GSE1: variants seen among roughly 807,000 people sequenced by gnomAD.
GSE1 encodes the protein Gse1 coiled-coil protein, also known as genetic suppressor element 1.
Under a neutral mutation model 112.6 loss-of-function variants are expected in GSE1, and 32 were observed. The observed-to-expected ratio is 0.28, with a 90% confidence interval of 0.21 to 0.38. The LOEUF is 0.38. Ranked by LOEUF, GSE1 falls within the 10% of genes least tolerant of loss-of-function variation. The pLI is 1.00. For missense variants in GSE1, 2,348 were observed against 1,699.2 expected, an observed-to-expected ratio of 1.38 and a Z score of -6.71; for synonymous variants, 1,115 against 735.6, an observed-to-expected ratio of 1.52 and a Z score of -8.35.
chr16:85,625,969 G>T (rs2049041490), intron 1 of GSE1, among the ~76,000 whole-genome samples: 1 of 152,092 alleles, frequency 6.6e-6, no homozygotes, highest in Admixed American at 6.5e-5. Flanking sequence ...CCGCCCACCT[G>T]CTTGTGTTTT....
intron 2 of GSE1, among the ~76,000 whole-genome samples, chr16:85,477,235 C>T (rs1392015852): frequency 6.6e-6 from 1 of 152,178 alleles, no homozygotes. Context: ...TTGGAGCTGA[C>T]CCCGGGGGGC....
At chr16:85,268,281 A>G (rs1031780976) in intron 1 of GSE1, among the ~76,000 whole-genome samples, 1 of 151,960 alleles carries the variant, frequency 6.6e-6, no homozygotes, top group African/African-American at 2.4e-5. Context: ...AATTTCACAC[A>G]CAGCATCGCA....
At chr16:85,473,191 C>G (rs2050348335) in intron 2 of GSE1, among the ~76,000 whole-genome samples, 1 of 152,242 alleles carries the variant, frequency 6.6e-6, no homozygotes, top group Non-Finnish European at 1.5e-5. Flanking sequence ...CATTTGCTGT[C>G]CTGTGCACTG....
chr16:85,574,058 T>C (rs1395349306), intron 1 of GSE1, among the ~76,000 whole-genome samples: 1 of 152,024 alleles, frequency 6.6e-6, no homozygotes, highest in Admixed American at 6.5e-5. Flanking sequence ...TCCCCACACA[T>C]GGCGGGCGGG....
At chr16:85,309,721 C>T (rs767224311) in intron 1 of GSE1, among the ~76,000 whole-genome samples, 6 of 152,226 alleles carry the variant, frequency 3.9e-5, no homozygotes, top group Non-Finnish European at 7.3e-5. Context: ...TCTGAGCTGG[C>T]ATTCAGTGCT....
chr16:85,473,908 A>T (rs1050950996), intron 2 of GSE1, among the ~76,000 whole-genome samples: 4 of 151,810 alleles, frequency 2.6e-5, no homozygotes, highest in Non-Finnish European at 4.4e-5. Flanking sequence ...ACCAGCTCCG[A>T]AAAAAGAGCC....
intron 1 of GSE1, among the ~76,000 whole-genome samples, chr16:85,231,830 C>T (rs1001431193): frequency 1.3e-5 from 2 of 152,242 alleles, no homozygotes; most frequent in African/African-American, 4.8e-5. Context: ...TAAAATGATG[C>T]CTGGTTATCT....
chr16:85,535,842 C>T (rs2151194783), intron 2 of GSE1, among the ~76,000 whole-genome samples: 1 of 152,366 alleles, frequency 6.6e-6, no homozygotes, highest in African/African-American at 2.4e-5. Context: ...TTCTTAATTC[C>T]CTCCAGCTTC....
intron 1 of GSE1, among the ~76,000 whole-genome samples, chr16:85,590,463 G>A (rs1039375034): frequency 1.3e-5 from 2 of 151,208 alleles, no homozygotes; most frequent in African/African-American, 2.4e-5. Flanking sequence ...TTGTGTGAGC[G>A]TGTGTGACAT....
chr16:85,215,105 G>A (rs1261921753), intron 1 of GSE1, among the ~76,000 whole-genome samples: 2 of 152,176 alleles, frequency 1.3e-5, no homozygotes, highest in African/African-American at 4.8e-5. Flanking sequence ...ACACAGACAT[G>A]GGATTGTGGC....
At chr16:85,199,436 C>G (rs55836094) in intron 1 of GSE1, among the ~76,000 whole-genome samples, 22,939 of 152,136 alleles carry the variant, frequency 0.15, 1,938 homozygotes, top group Middle Eastern at 0.28. Flanking sequence ...AGTCTTCTGA[C>G]CAAAAGACTT....
intron 1 of GSE1, among the ~76,000 whole-genome samples, chr16:85,347,149 G>A (rs1226624432): frequency 6.6e-6 from 1 of 152,124 alleles, no homozygotes; most frequent in Non-Finnish European, 1.5e-5. Flanking sequence ...TCTAGCCGGA[G>A]GCTCTCACCC....
chr16:85,481,088 C>G (rs993457319), intron 2 of GSE1, among the ~76,000 whole-genome samples: 3 of 152,214 alleles, frequency 2.0e-5, no homozygotes, highest in Admixed American at 6.5e-5. Flanking sequence ...CCAACCGGCC[C>G]TGACACCTGC....
At chr16:85,635,379 G>A (rs1457357195) in intron 2 of GSE1, among the ~76,000 whole-genome samples, 1 of 152,212 alleles carries the variant, frequency 6.6e-6, no homozygotes, top group Non-Finnish European at 1.5e-5. Flanking sequence ...GCCCTTGGCA[G>A]GGGACTCCCT....
chr16:85,316,170 G>GT (rs2045981535), intron 1 of GSE1, among the ~76,000 whole-genome samples: 1 of 152,244 alleles, frequency 6.6e-6, no homozygotes, highest in Non-Finnish European at 1.5e-5. Context: ...TGCGACACCA[G>GT]CCACCTATTC....
chr16:85,656,784 A>G (rs1261156605), intron 7 of GSE1, 119 bp downstream of exon 7: 2 of 1,364,000 alleles, frequency 1.5e-6, no homozygotes, highest in Non-Finnish European at 1.9e-6. Context: ...AGTTCGCCCT[A>G]AAAGCGTGGT....
intron 1 of GSE1, among the ~76,000 whole-genome samples, chr16:85,234,599 ACAGACAGGAAAACCAAGGCTCAGGGAGG>A (rs1370258753): frequency 1.3e-5 from 2 of 152,130 alleles, no homozygotes; most frequent in Non-Finnish European, 2.9e-5. Context: ...TTCCCAATTT[ACAGACAGGAAAACCAAGGCTCAGGGAGG>A]CCCTGTGACG....
chr16:85,636,969 C>T (rs2151777622), intron 2 of GSE1, among the ~76,000 whole-genome samples: 1 of 152,354 alleles, frequency 6.6e-6, no homozygotes, highest in Admixed American at 6.5e-5. Context: ...CGCCAGAGGG[C>T]AGCAGGGGGA....
rs575136356 is a variant in GSE1 at position 85,666,556 on chromosome 16, G to A, written c.3130+209G>A. ...AAACCTGAACTCGTAGGTGAGAAAC[G>A]TTTGTAGGCACCAGCGCTGACGCTG... On this transcript the variant is annotated intron_variant, in intron 13 of 15. Transcript: ENST00000253458. The A allele has an allele frequency of 1.1e-4, 65 of 597,436 alleles. 1 individual carries two copies. Among genetic ancestry groups the A allele is most frequent in the African/African-American group, 8.9e-4 (48 of 53,944 alleles). 37.0% of individuals were successfully genotyped at this position (597,436 alleles called of 1,614,324 possible).
Sources: allele counts gnomAD v4.1 joint callset (sites outside exome capture counted in the v4.1 genomes callset), GRCh38; gene constraint gnomAD v4.1.1; transcripts MANE v1.5; gene names NCBI Gene and HGNC (gene_info 2026-07-23, HGNC 2026-07-21).